Variants in STXBP5L observed in about 807,000 individuals in gnomAD.
STXBP5L encodes syntaxin binding protein 5L, also known as syntaxin-binding protein 5-like.
Under a neutral mutation model 144.5 loss-of-function variants are expected in STXBP5L, and 65 were observed. The observed-to-expected ratio is 0.45, with a 90% confidence interval of 0.37 to 0.55. STXBP5L has a LOEUF of 0.55. Among genes scored for constraint, STXBP5L ranks in the 20% least tolerant of loss-of-function variants. The probability of loss-of-function intolerance (pLI) is 0.00; values close to 1 mark genes in which losing one functional copy is unlikely to be tolerated. For missense variants in STXBP5L, 1,298 were observed against 1,405.5 expected, an observed-to-expected ratio of 0.92 and a Z score of 1.22; for synonymous variants, 505 against 469.6, an observed-to-expected ratio of 1.08 and a Z score of -0.97.
chr3:121,377,714 C>T (rs1203438637), intron 20 of STXBP5L, among the ~76,000 whole-genome samples: 1 of 152,188 alleles, frequency 6.6e-6, no homozygotes, highest in Non-Finnish European at 1.5e-5. Flanking sequence ...AACTTTTACA[C>T]TGTTGGTGGG....
chr3:121,206,655 C>T (rs185023692), intron 10 of STXBP5L, among the ~76,000 whole-genome samples: 330 of 151,988 alleles, frequency 2.2e-3, no homozygotes, highest in Non-Finnish European at 3.7e-3. Flanking sequence ...GCTAGAAATA[C>T]ACAAAAAAAT....
chr3:121,033,607 A>C (rs1946534080), intron 3 of STXBP5L, among the ~76,000 whole-genome samples: 1 of 151,522 alleles, frequency 6.6e-6, no homozygotes, highest in African/African-American at 2.4e-5. Context: ...TAAATAAATA[A>C]ATAAATTCGT....
intron 20 of STXBP5L, among the ~76,000 whole-genome samples, chr3:121,326,101 C>A (rs1402420109): frequency 6.6e-6 from 1 of 151,672 alleles, no homozygotes; most frequent in African/African-American, 2.4e-5. Context: ...AATCATCGAA[C>A]AACTATATGA....
At chr3:121,115,822 C>T (rs1041795851) in intron 6 of STXBP5L, among the ~76,000 whole-genome samples, 1 of 152,032 alleles carries the variant, frequency 6.6e-6, no homozygotes, top group Non-Finnish European at 1.5e-5. Flanking sequence ...ATAATGAAAG[C>T]AGGAGCAAGA....
chr3:121,260,871 A>G (rs1403725892), intron 18 of STXBP5L, among the ~76,000 whole-genome samples: 3 of 152,120 alleles, frequency 2.0e-5, no homozygotes, highest in Non-Finnish European at 4.4e-5. Flanking sequence ...GTGAACATAG[A>G]GTATTGGGTG....
intron 9 of STXBP5L, among the ~76,000 whole-genome samples, chr3:121,187,060 C>T (rs1193200776): frequency 6.6e-6 from 1 of 152,136 alleles, no homozygotes; most frequent in Non-Finnish European, 1.5e-5. Flanking sequence ...CATCCCATTA[C>T]TGGGTATATA....
intron 20 of STXBP5L, among the ~76,000 whole-genome samples, chr3:121,367,384 G>A (rs768774685): frequency 6.6e-6 from 1 of 151,904 alleles, no homozygotes; most frequent in Non-Finnish European, 1.5e-5. Flanking sequence ...CCTTACTTTT[G>A]AAGGACACTT....
At chr3:121,034,313 A>G (rs181166420) in intron 3 of STXBP5L, among the ~76,000 whole-genome samples, 56 of 152,060 alleles carry the variant, frequency 3.7e-4, no homozygotes, top group African/African-American at 1.2e-3. Context: ...TGAGTGTCCA[A>G]TGTCTATTAT....
chr3:121,053,624 C>T (rs1319028827), intron 5 of STXBP5L, among the ~76,000 whole-genome samples: 5 of 152,090 alleles, frequency 3.3e-5, no homozygotes, highest in African/African-American at 9.7e-5. Flanking sequence ...AGACCTAAAA[C>T]CATAAAAACC....
chr3:121,157,320 G>A (rs1297613076), intron 8 of STXBP5L, among the ~76,000 whole-genome samples, 184 bp from the exon 9 acceptor site: 1 of 152,104 alleles, frequency 6.6e-6, no homozygotes, highest in Non-Finnish European at 1.5e-5. Flanking sequence ...AATTGGCTAT[G>A]TGAGGAGGAA....
chr3:120,919,083 T>C (rs1709242683), intron 2 of STXBP5L, among the ~76,000 whole-genome samples: 1 of 152,050 alleles, frequency 6.6e-6, no homozygotes. Flanking sequence ...GCTGAGAATG[T>C]TAGAAAAGAG....
intron 9 of STXBP5L, among the ~76,000 whole-genome samples, chr3:121,187,462 G>A (rs1028092069): frequency 3.3e-5 from 5 of 151,560 alleles, no homozygotes; most frequent in Admixed American, 6.6e-5. Context: ...AATGTTAAAC[G>A]AAGAGTTAAT....
intron 2 of STXBP5L, among the ~76,000 whole-genome samples, chr3:120,915,698 A>C (rs562316890): frequency 6.6e-6 from 1 of 152,134 alleles, no homozygotes; most frequent in Non-Finnish European, 1.5e-5. Context: ...ATATAGATTA[A>C]GTATTCTGAA....
At chr3:121,009,126 T>A (rs575441352) in intron 3 of STXBP5L, among the ~76,000 whole-genome samples, 1 of 152,106 alleles carries the variant, frequency 6.6e-6, no homozygotes, top group Admixed American at 6.6e-5. Context: ...TTCCTCATTA[T>A]GAAGGCAGTG....
At chr3:121,411,251 G>A (rs1281079852) in intron 23 of STXBP5L, among the ~76,000 whole-genome samples, 1 of 152,050 alleles carries the variant, frequency 6.6e-6, no homozygotes, top group Non-Finnish European at 1.5e-5. Context: ...ACAGCACAGT[G>A]CTTAGTCCAA....
chr3:121,081,591 C>G (rs955266360), intron 5 of STXBP5L, among the ~76,000 whole-genome samples: 1 of 152,072 alleles, frequency 6.6e-6, no homozygotes, highest in Non-Finnish European at 1.5e-5. Flanking sequence ...TCTCTTGAAG[C>G]TTATCTTGTT....
chr3:121,051,746 C>A (rs962189128), intron 5 of STXBP5L, among the ~76,000 whole-genome samples: 1 of 151,966 alleles, frequency 6.6e-6, no homozygotes, highest in Admixed American at 6.6e-5. Context: ...CAGAGCAGAA[C>A]TGAAGGAAAT....
chr3:121,188,593 C>G (rs187371547), intron 9 of STXBP5L, among the ~76,000 whole-genome samples: 2 of 152,042 alleles, frequency 1.3e-5, no homozygotes, highest in East Asian at 3.9e-4. Flanking sequence ...AGCAGCACAT[C>G]AAAAAGCTTA....
At chr3:120,958,016 C>G (rs562213652) in intron 3 of STXBP5L, among the ~76,000 whole-genome samples, 84 of 151,718 alleles carry the variant, frequency 5.5e-4, no homozygotes, top group Middle Eastern at 3.4e-3. Flanking sequence ...GCTAGCAAGA[C>G]TAATAAAGAA....
Sources: allele counts gnomAD v4.1 joint callset (sites outside exome capture counted in the v4.1 genomes callset), GRCh38; gene constraint gnomAD v4.1.1; transcripts MANE v1.5; gene names NCBI Gene and HGNC (gene_info 2026-07-23, HGNC 2026-07-21).